NUDT2: variants seen among roughly 807,000 people sequenced by gnomAD.
The protein encoded by NUDT2 is nudix hydrolase 2, also known as bis(5'-nucleosyl)-tetraphosphatase [asymmetrical].
NUDT2 carries 12 observed loss-of-function variants against 14.2 expected under a neutral mutation model. That is an observed-to-expected ratio of 0.84 (90% CI 0.54 to 1.37). The LOEUF is 1.37. Among genes scored for constraint, NUDT2 ranks in the 40% most tolerant of loss-of-function variants. The pLI, the probability that NUDT2 is intolerant of heterozygous loss-of-function variation, is 0.00. For missense variants in NUDT2, 167 were observed against 176.7 expected, an observed-to-expected ratio of 0.95 and a Z score of 0.31; for synonymous variants, 67 against 67.4, an observed-to-expected ratio of 0.99 and a Z score of 0.03.
chr9:34,339,611 G>C (rs1224599642), intron 4 of NUDT2, among the ~76,000 whole-genome samples: 3 of 152,202 alleles, frequency 2.0e-5, no homozygotes, highest in African/African-American at 7.2e-5. Flanking sequence ...TGGAGGTCGA[G>C]GTGGGCAGAT....
At chr9:34,331,298 A>G (rs1052025563) in intron 1 of NUDT2, among the ~76,000 whole-genome samples, 6 of 152,260 alleles carry the variant, frequency 3.9e-5, no homozygotes, top group Admixed American at 3.3e-4. Context: ...GGGTAACAGT[A>G]ACTCATATAT....
intron 1 of NUDT2, among the ~76,000 whole-genome samples, chr9:34,333,479 T>A (rs1467504915): frequency 9.2e-5 from 14 of 151,818 alleles, no homozygotes; most frequent in Non-Finnish European, 2.9e-5. Flanking sequence ...AAGTGTTTTT[T>A]AAATTTAGCC....
At chr9:34,337,397 T>C (rs1838118728) in intron 2 of NUDT2, among the ~76,000 whole-genome samples, 1 of 152,230 alleles carries the variant, frequency 6.6e-6, no homozygotes, top group Non-Finnish European at 1.5e-5. Context: ...TTTTGATAAT[T>C]ATTATCAAAT....
At position 34,343,666 on chromosome 9, in the gene NUDT2, C is replaced by A; in HGVS notation, c.*226C>A. Reference sequence around the variant, plus strand: ...AAAAGGCCAGGCCCAGTAAGTGTACCTTGTACTTTATAAATAAACCTCAAG... The same window carrying A: ...AAAAGGCCAGGCCCAGTAAGTGTACATTGTACTTTATAAATAAACCTCAAG... On this transcript the variant is annotated 3_prime_UTR_variant, in exon 5 of 5. Transcript: ENST00000379158. 1 of 474,918 alleles carries A rather than the reference C, an allele frequency of 2.1e-6. No individual in the cohort carries two copies. The highest frequency in any genetic ancestry group is 3.7e-6 in the Non-Finnish European group (1 of 269,868). The allele number at this position is 474,918 out of a possible 1,614,324, so 29.4% of individuals were successfully genotyped here.
intron 2 of NUDT2, among the ~76,000 whole-genome samples, chr9:34,337,947 A>G (rs4242694): frequency 0.97 from 147,518 of 151,482 alleles, 71,945 homozygotes; most frequent in East Asian, 1. Context: ...GGGTTCAAGC[A>G]ATTCTCCTGC....
chr9:34,339,234 C>A, intron 4 of NUDT2, 68 bp downstream of exon 4: 1 of 1,575,846 alleles, frequency 6.3e-7, no homozygotes, highest in Non-Finnish European at 8.7e-7. Context: ...CCTGCCAGGC[C>A]CTCCCCAAGG....
intron 2 of NUDT2, among the ~76,000 whole-genome samples, chr9:34,337,403 CA>C (rs1429025598): frequency 2.6e-5 from 4 of 152,142 alleles, no homozygotes; most frequent in Admixed American, 2.6e-4. Flanking sequence ...TAATTATTAT[CA>C]AATGGCCCTC....
rs1838086317 is a variant in NUDT2, at chr9:34,336,275, A to G, written c.-218A>G. Reference sequence around the variant, plus strand: ...CTGTTTCTGCCTCAACCACGGACCAATAATATGAGATCTTTGTTCACCAGT... The same window carrying G: ...CTGTTTCTGCCTCAACCACGGACCAGTAATATGAGATCTTTGTTCACCAGT... On this transcript the variant is annotated 5_prime_UTR_variant, in exon 2 of 5. Transcript: ENST00000379158. The G allele has an allele frequency of 6.6e-6, 1 of 152,176 alleles. No individual in the cohort carries two copies. The highest frequency in any genetic ancestry group is 6.5e-5 in the Admixed American group (1 of 15,276). The allele number at this position is 152,176 out of a possible 1,614,324, so 9.4% of individuals were successfully genotyped here.
rs751977854 is a variant in NUDT2, at chr9:34,343,218, G to A, written c.222G>A (p.Glu74=). The part of the protein sequence containing the change: ...GIEAGQLTII[E]GFKRELNYVA... ...AAGCAGGCCAGCTGACCATTATTGA[G>A]GGGTTCAAAAGGGAACTCAATTATG... Residue 74 remains glutamate, a synonymous_variant, in exon 5 of 5, where the codon GAG becomes GAA. Coordinates refer to ENST00000379158, the MANE Select transcript of NUDT2 (RefSeq NM_001161.5). 3.1e-6 allele frequency: 5 copies of A among 1,613,988 alleles called. No homozygotes were observed. The Admixed American group carries it at 6.7e-5, about 22-fold the overall frequency.
intron 2 of NUDT2, among the ~76,000 whole-genome samples, chr9:34,338,338 A>AAAAAAAG (rs1838149540): frequency 9.5e-6 from 1 of 105,164 alleles, no homozygotes. Context: ...AAAAAAAAAA[A>AAAAAAAG]AAAAAAAAAA....
At position 34,339,130 on chromosome 9, in the gene NUDT2, G is replaced by A. The variant is rs199838637; in HGVS notation, c.91G>A (p.Ala31Thr). The A allele has an allele frequency of 2.5e-5, 41 of 1,613,898 alleles. No homozygotes were observed. Among genetic ancestry groups the A allele is most frequent in the Non-Finnish European group, 3.2e-5 (38 of 1,179,926 alleles). Residue 31 changes from alanine to threonine, a missense_variant, in exon 4 of 5, where the codon GCA becomes ACA. Physicochemically the swap from Ala to Thr is moderately conservative, Grantham distance 58. Transcript: ENST00000379158. ...NNAIEFLLLQ[A>T]SDGIHHWTPP... ...TGCAATTGAGTTTTTACTGCTGCAG[G>A]CATCAGATGGCATTCATCACTGGAC...
chr9:34,336,746 G>A (rs1289693666), intron 2 of NUDT2, among the ~76,000 whole-genome samples: 1 of 151,830 alleles, frequency 6.6e-6, no homozygotes, highest in Non-Finnish European at 1.5e-5. Context: ...GTCTCACTGT[G>A]TTGTCCGGAC....
Position 34,338,843 on chromosome 9 carries a change from C to A in NUDT2, c.-21C>A. 1 of 486,534 alleles carries A rather than the reference C, an allele frequency of 2.1e-6. No individual in the cohort carries two copies. Among genetic ancestry groups the A allele is most frequent in the Non-Finnish European group, 3.7e-6 (1 of 269,032 alleles). The allele number at this position is 486,534 out of a possible 1,614,324, so 30.1% of individuals were successfully genotyped here. ...GTTGCCAGGGTCCTGCAGTTATACA[C>A]AAAGGTCAGTCTCTGATTCCTGGAT... On this transcript the variant is annotated 5_prime_UTR_variant, in exon 3 of 5. Transcript: ENST00000379158.
chr9:34,340,201 G>T (rs1468930911), intron 4 of NUDT2, among the ~76,000 whole-genome samples: 1 of 152,188 alleles, frequency 6.6e-6, no homozygotes, highest in East Asian at 1.9e-4. Context: ...CTCCCAAAGT[G>T]CTGGGATTAC....
chr9:34,341,801 C>T (rs564648267), intron 4 of NUDT2, among the ~76,000 whole-genome samples: 1 of 152,318 alleles, frequency 6.6e-6, no homozygotes, highest in East Asian at 1.9e-4. Flanking sequence ...TGAGCCACCG[C>T]CCCTGGACCC....
intron 1 of NUDT2, among the ~76,000 whole-genome samples, chr9:34,331,868 A>T (rs555285096): frequency 8.5e-5 from 13 of 152,250 alleles, no homozygotes; most frequent in Non-Finnish European, 1.5e-4. Context: ...CTCAAACCAA[A>T]GCCTTTCTCT....
intron 2 of NUDT2, among the ~76,000 whole-genome samples, chr9:34,336,907 C>T (rs34653493): frequency 0.35 from 53,193 of 151,582 alleles, 10,757 homozygotes; most frequent in South Asian, 0.57. Flanking sequence ...TACTTTTTGC[C>T]TATTCCCATA....
At chr9:34,334,920 C>G (rs892827662) in intron 1 of NUDT2, among the ~76,000 whole-genome samples, 1 of 152,156 alleles carries the variant, frequency 6.6e-6, no homozygotes, top group East Asian at 1.9e-4. Context: ...GAAGTAGCAG[C>G]CAGTACACTG....
At chr9:34,339,196 A>G (rs747329529) in intron 4 of NUDT2, 30 bp downstream of exon 4, 1 of 1,603,778 alleles carries the variant, frequency 6.2e-7, no homozygotes, top group Admixed American at 1.7e-5. Flanking sequence ...GCTCTTGGGA[A>G]ACTGCCAACC....
Sources: allele counts gnomAD v4.1 joint callset (sites outside exome capture counted in the v4.1 genomes callset), GRCh38; gene constraint gnomAD v4.1.1; transcripts MANE v1.5; gene names NCBI Gene and HGNC (gene_info 2026-07-23, HGNC 2026-07-21).